The following MXRA5 variants were observed in gnomAD, a reference collection of about 807,000 sequenced individuals.
MXRA5 encodes the protein matrix remodeling associated 5.
A neutral mutation model predicts 112.5 loss-of-function variants in MXRA5; 41 were observed. That is an observed-to-expected ratio of 0.36 (90% CI 0.28 to 0.47). The LOEUF is 0.47. Among genes scored for constraint, MXRA5 ranks in the 20% least tolerant of loss-of-function variants. MXRA5 has a pLI of 0.99. For missense variants in MXRA5, 2,150 were observed against 2,251.0 expected (o/e 0.96, Z 0.91); for synonymous variants, 862 against 900.8 (o/e 0.96, Z 0.77).
In MXRA5 at chrX:3,317,586, C is replaced by T. The variant is rs747325683; in HGVS notation, c.6095G>A (p.Gly2032Glu). Residue 2032 changes from glycine to glutamate, a missense_variant, in exon 6 of 7, where the codon GGG becomes GAG. By Grantham distance (98) the Gly-to-Glu change is moderately conservative. Coordinates refer to ENST00000217939, the MANE Select transcript of MXRA5 (RefSeq NM_015419.4). ...VYKCVASNAA[G>E]ADSLAIRLHV... ...CAGGCGGATGGCCAGGCTGTCCGCCCCGGCTGCATTGCTGGCCACGCACTT... is the reference window on the plus strand; with the variant it reads ...CAGGCGGATGGCCAGGCTGTCCGCCTCGGCTGCATTGCTGGCCACGCACTT... 8.3e-7 allele frequency: 1 copy of T among 1,209,483 alleles called. No individual in the cohort carries two copies. The highest frequency in any genetic ancestry group is 3.0e-5 in the East Asian group (1 of 33,745).
chrX:3,333,344 A>T (rs1196512662), intron 2 of MXRA5, among the ~76,000 whole-genome samples: 4 of 107,060 alleles, frequency 3.7e-5, no homozygotes, highest in African/African-American at 1.3e-4. Flanking sequence ...TAAGAAAGAA[A>T]GAAAAAAAGA....
chrX:3,330,970 G>A (rs1228734387), intron 2 of MXRA5, among the ~76,000 whole-genome samples, 197 bp from the exon 3 acceptor site: 3 of 111,162 alleles, frequency 2.7e-5, no homozygotes, highest in Non-Finnish European at 5.7e-5. Context: ...CGGTGCAATC[G>A]TAGCTCAGTG....
At position 3,324,225 on chromosome X, in the gene MXRA5, C is replaced by A. The variant is rs745868713; in HGVS notation, c.1460G>T (p.Arg487Ile). The A allele has an allele frequency of 9.1e-6, 11 of 1,209,952 alleles. No individual in the cohort carries two copies. The highest frequency in any genetic ancestry group is 7.0e-5 in the African/African-American group (4 of 57,205). The part of the protein sequence containing the change: ...VMIEPSGAVQ[R>I]DQTVLEGGPC... ...ACCCCCTTCCAGGACAGTCTGATCT[C>A]TTTGCACAGCTCCACTAGGCTCAAT... is the stretch of plus-strand genomic sequence containing the variant. The change falls in exon 5 of 7, where the codon AGA becomes ATA. Residue 487 changes from arginine (R) to isoleucine (I), a missense_variant. By Grantham distance (97) the Arg-to-Ile change is moderately conservative. This residue lies in a region of MXRA5 where 386 missense variants were observed against 411.0 expected (regional missense o/e 0.94). Transcript: ENST00000217939.
intron 6 of MXRA5, among the ~76,000 whole-genome samples, chrX:3,314,196 G>T (rs1255249223): frequency 2.7e-5 from 3 of 112,033 alleles, no homozygotes; most frequent in Non-Finnish European, 5.6e-5. Context: ...TTTTTGAAAC[G>T]CTTATTAAAG....
At chrX:3,316,935 C>G (rs1448508181) in intron 6 of MXRA5, among the ~76,000 whole-genome samples, 168 bp downstream of exon 6, 2 of 111,836 alleles carry the variant, frequency 1.8e-5, no homozygotes, top group Non-Finnish European at 3.8e-5. Flanking sequence ...CTCGTCCTCC[C>G]AAAGTGCTGG....
chrX:3,319,808 CCT>C (rs1379975086), intron 5 of MXRA5, among the ~76,000 whole-genome samples, 198 bp downstream of exon 5: 9 of 111,008 alleles, frequency 8.1e-5, no homozygotes, highest in East Asian at 2.8e-4. Context: ...ACATGTTCCC[CCT>C]GTGTCTAAAA....
rs1921174500 is a variant in MXRA5, at chrX:3,317,429, C to T, written c.6252G>A (p.Gly2084=). The change falls in exon 6 of 7, where the codon GGG becomes GGA. Residue 2084 remains glycine (G), a synonymous_variant. Transcript: ENST00000217939. The part of the protein sequence containing the change: ...APLPSVRWVL[G]DGTQIRPSQF... ...GCGAGGGGCGGATCTGGGTACCGTC[C>T]CCGAGCACCCAGCGCACGCTGGGCA... The T allele has an allele frequency of 8.3e-7, 1 of 1,199,026 alleles. No individual in the cohort carries two copies. The highest frequency in any genetic ancestry group is 2.2e-5 in the Admixed American group (1 of 44,717).
rs1344220400 is a variant in MXRA5 at position 3,318,096 on chromosome X, T to C, written c.5678-93A>G. Reference sequence around the variant, plus strand: ...TATTAGTTAATCTAATTCTCCACTTTAACACCCAGGCAGCAAAAGCAAATG... The same window carrying C: ...TATTAGTTAATCTAATTCTCCACTTCAACACCCAGGCAGCAAAAGCAAATG... On this transcript the variant is annotated intron_variant, in intron 5 of 6. Transcript: ENST00000217939. 7 of 753,573 alleles carry C rather than the reference T, an allele frequency of 9.3e-6. No homozygotes were observed. In the Admixed American group the frequency reaches 2.8e-4, roughly 31 times the overall value. 62.1% of individuals were successfully genotyped at this position (753,573 alleles called of 1,213,427 possible).
In MXRA5 at chrX:3,322,994, C is replaced by T. The variant is rs898693823; in HGVS notation, c.2691G>A (p.Glu897=). ...TCAGGTCTCCTTCAGTGGAAGTTATCTCCTCAGTCTTCTCGGAAAGGTCAT... is the reference window on the plus strand; with the variant it reads ...TCAGGTCTCCTTCAGTGGAAGTTATTTCCTCAGTCTTCTCGGAAAGGTCAT... ...VVDDLSEKTE[E]ITSTEGDLKG... is the part of the protein sequence containing the mutation. The change falls in exon 5 of 7, where the codon GAG becomes GAA. Residue 897 remains glutamate (E), a synonymous_variant. Transcript: ENST00000217939. 4 of 1,209,314 alleles carry T rather than the reference C, an allele frequency of 3.3e-6. No individual in the cohort carries two copies. The highest frequency in any genetic ancestry group is 4.5e-6 in the Non-Finnish European group (4 of 895,043).
intron 2 of MXRA5, among the ~76,000 whole-genome samples, chrX:3,340,339 G>GT (rs1921885550): frequency 9.0e-6 from 1 of 111,407 alleles, no homozygotes; most frequent in Non-Finnish European, 1.9e-5. Context: ...TCTTGTTTCA[G>GT]TTTTTTCCCC....
In MXRA5 at chrX:3,321,941, C is replaced by T; in HGVS notation, c.3744G>A (p.Val1248=). 8.3e-7 allele frequency: 1 copy of T among 1,211,102 alleles called. No individual in the cohort carries two copies. The highest frequency in any genetic ancestry group is 1.1e-6 in the Non-Finnish European group (1 of 895,332). The part of the protein sequence containing the change: ...PNKHRYTPST[V]SSRASGSKPS... ...GCTTGGATCCGGACGCTCTTGAGCTCACTGTAGAAGGGGTATATCGATGTT... is the reference window on the plus strand; with the variant it reads ...GCTTGGATCCGGACGCTCTTGAGCTTACTGTAGAAGGGGTATATCGATGTT... The change falls in exon 5 of 7, where the codon GTG becomes GTA. Residue 1248 remains valine, a synonymous_variant. Transcript: ENST00000217939.
chrX:3,338,205 C>T (rs759074412), intron 2 of MXRA5, among the ~76,000 whole-genome samples: 17 of 111,462 alleles, frequency 1.5e-4, no homozygotes, highest in African/African-American at 4.9e-4. Context: ...GCTGGATGTT[C>T]CTCAGCACAT....
Position 3,318,135 on chromosome X carries a change from G to A in MXRA5, c.5678-132C>T, listed in dbSNP as rs761754104. The A allele has an allele frequency of 3.9e-5, 19 of 488,180 alleles. No homozygotes were observed. The South Asian group carries it at 9.2e-4, about 24-fold the overall frequency. The allele number at this position is 488,180 out of a possible 1,213,427, so 40.2% of individuals were successfully genotyped here. On this transcript the variant is annotated intron_variant, in intron 5 of 6. Transcript: ENST00000217939. ...CAAAAGCAAATGTAGTAGGTAGAAT[G>A]TTTTAGTGTTTTTAAAAGTTTTTTT... is the stretch of plus-strand genomic sequence containing the variant.
chrX:3,334,831 T>TAG (rs1569186992), intron 2 of MXRA5, among the ~76,000 whole-genome samples: 73 of 112,098 alleles, frequency 6.5e-4, no homozygotes, highest in African/African-American at 2.0e-3. Flanking sequence ...GATACATTTC[T>TAG]AATTCATTCT....
intron 4 of MXRA5, among the ~76,000 whole-genome samples, chrX:3,328,610 C>T (rs779736886): frequency 1.4e-3 from 151 of 110,797 alleles, no homozygotes; most frequent in Non-Finnish European, 2.3e-3. Context: ...GAATGCTCCC[C>T]CTTTCTACCA....
chrX:3,315,722 C>G (rs1427195531), intron 6 of MXRA5, among the ~76,000 whole-genome samples: 44 of 110,711 alleles, frequency 4.0e-4, no homozygotes, highest in African/African-American at 1.4e-3. Context: ...TCTTCATAGC[C>G]CAAGTACATT....
chrX:3,312,560 CTTTTTT>C (rs773869772), intron 6 of MXRA5, among the ~76,000 whole-genome samples: 2 of 91,079 alleles, frequency 2.2e-5, no homozygotes, highest in Non-Finnish European at 4.4e-5. Context: ...ACCACACTTT[CTTTTTT>C]TTTTTTTTTT....
rs186476431 is a variant in MXRA5 at position 3,319,442 on chromosome X, T to C, written c.5677+566A>G. ...AGACACAGCCTCTCCCTTATTTATT[T>C]ATGCTCATGCTGTTCTCCTGAACTC... is the stretch of plus-strand genomic sequence containing the variant. On this transcript the variant is annotated intron_variant, in intron 5 of 6. Transcript: ENST00000217939. Among the ~76,000 whole-genome samples, 634 of 112,595 alleles carry C rather than the reference T, an allele frequency of 5.6e-3. 5 individuals are homozygous for C. Among genetic ancestry groups the C allele is most frequent in the African/African-American group, 0.019 (595 of 31,066 alleles).
intron 2 of MXRA5, among the ~76,000 whole-genome samples, chrX:3,340,332 T>C (rs1373772699): frequency 8.0e-5 from 9 of 111,913 alleles, no homozygotes; most frequent in Non-Finnish European, 1.1e-4. Flanking sequence ...ACATTGCTCT[T>C]GTTTCAGTTT....
Sources: gnomAD v4.1 joint callset for allele counts (sites outside exome capture counted in the v4.1 genomes callset) on GRCh38, gnomAD v4.1.1 for gene constraint, gnomAD v4.1.1 regional missense constraint, MANE v1.5 for transcripts, NCBI Gene and HGNC (gene_info 2026-07-23, HGNC 2026-07-21) for gene names.